The following PTPRD variants were observed in gnomAD, a reference collection of about 807,000 sequenced individuals.
The protein encoded by PTPRD is protein tyrosine phosphatase receptor type D, also known as receptor-type tyrosine-protein phosphatase delta.
In PTPRD, 34 loss-of-function variants were observed where a neutral mutation model predicts 214.5. The observed-to-expected ratio is 0.16, with a 90% CI of 0.12 to 0.21. The LOEUF is 0.21. Ranked by LOEUF, PTPRD falls within the 10% of genes least tolerant of loss-of-function variation. The pLI is 1.00. For missense variants in PTPRD, 2,545 were observed against 2,398.7 expected (o/e 1.06, Z -1.27); for synonymous variants, 1,128 against 845.7 (o/e 1.33, Z -5.79).
chr9:8,510,142 A>G (rs2097648023), intron 21 of PTPRD, among the ~76,000 whole-genome samples: 1 of 152,034 alleles, frequency 6.6e-6, no homozygotes, highest in Admixed American at 6.6e-5. Context: ...ACTTAAAAAA[A>G]TCAGCTGGGC....
chr9:9,727,046 AT>A (rs1356470496), intron 7 of PTPRD, among the ~76,000 whole-genome samples: 2 of 152,192 alleles, frequency 1.3e-5, no homozygotes, highest in Non-Finnish European at 1.5e-5. Context: ...GAGCTGCTTG[AT>A]TTAGGACAGG....
At chr9:9,701,500 A>G (rs1457304742) in intron 7 of PTPRD, among the ~76,000 whole-genome samples, 1 of 152,186 alleles carries the variant, frequency 6.6e-6, no homozygotes, top group African/African-American at 2.4e-5. Flanking sequence ...TTCACAGTCA[A>G]ATTAGCAACA....
At chr9:8,331,174 G>A (rs929854018) in intron 44 of PTPRD, among the ~76,000 whole-genome samples, 2 of 148,604 alleles carry the variant, frequency 1.3e-5, no homozygotes, top group Non-Finnish European at 2.9e-5. Flanking sequence ...ACTTAATATT[G>A]TCATTAGGAT....
At chr9:9,279,194 G>T (rs1313149316) in intron 9 of PTPRD, among the ~76,000 whole-genome samples, 1 of 150,374 alleles carries the variant, frequency 6.7e-6, no homozygotes, top group East Asian at 2.0e-4. Context: ...ATATATGTAT[G>T]TGTATATGAT....
chr9:10,491,325 A>G (rs566547453), intron 2 of PTPRD, among the ~76,000 whole-genome samples: 1 of 152,292 alleles, frequency 6.6e-6, no homozygotes, highest in East Asian at 1.9e-4. Flanking sequence ...ACATGTTTCT[A>G]ATAATTTTAG....
intron 12 of PTPRD, among the ~76,000 whole-genome samples, chr9:8,652,889 G>C (rs1322930344): frequency 2.0e-5 from 3 of 152,162 alleles, no homozygotes; most frequent in Admixed American, 2.0e-4. Flanking sequence ...GGGTCTGCAG[G>C]TTATTGTGAG....
chr9:9,886,747 T>C (rs2071082789), intron 5 of PTPRD, among the ~76,000 whole-genome samples: 1 of 152,140 alleles, frequency 6.6e-6, no homozygotes, highest in African/African-American at 2.4e-5. Context: ...GCCTCCATCT[T>C]GTTTGCTGGA....
intron 5 of PTPRD, among the ~76,000 whole-genome samples, chr9:9,906,169 T>C (rs1393631080): frequency 6.6e-6 from 1 of 151,858 alleles, no homozygotes; most frequent in Non-Finnish European, 1.5e-5. Flanking sequence ...TGTCAGGCTC[T>C]AGTAAGGAAA....
At chr9:9,775,714 C>G (rs879879020) in intron 5 of PTPRD, among the ~76,000 whole-genome samples, 3 of 151,998 alleles carry the variant, frequency 2.0e-5, no homozygotes, top group African/African-American at 4.8e-5. Flanking sequence ...GAGGCCAAGG[C>G]GGGTGGATCA....
At chr9:8,653,746 G>A (rs749806656) in intron 12 of PTPRD, among the ~76,000 whole-genome samples, 6 of 152,106 alleles carry the variant, frequency 3.9e-5, no homozygotes, top group Admixed American at 2.0e-4. Context: ...TACATCAACA[G>A]ATAAAATAAT....
At chr9:9,252,359 T>G (rs116112469) in intron 9 of PTPRD, among the ~76,000 whole-genome samples, 1 of 152,170 alleles carries the variant, frequency 6.6e-6, no homozygotes, top group African/African-American at 2.4e-5. Flanking sequence ...GGCATGAACT[T>G]AAATTTGCAT....
chr9:8,963,128 C>A (rs1178024216), intron 11 of PTPRD: 4 of 151,820 alleles, frequency 2.6e-5, no homozygotes, highest in East Asian at 3.9e-4. Context: ...AAGATAGAAG[C>A]TAGACATAGG....
chr9:9,371,106 A>T (rs1029545856), intron 9 of PTPRD, among the ~76,000 whole-genome samples: 33 of 152,118 alleles, frequency 2.2e-4, no homozygotes, highest in African/African-American at 8.0e-4. Flanking sequence ...AGCCTTTGGT[A>T]TCAGGATGAT....
chr9:10,067,415 T>C (rs1156707914), intron 3 of PTPRD, among the ~76,000 whole-genome samples: 1 of 151,876 alleles, frequency 6.6e-6, no homozygotes, highest in Non-Finnish European at 1.5e-5. Flanking sequence ...ATATTGTTTT[T>C]CCAATGTTAT....
chr9:9,716,541 C>T (rs1445684568), intron 7 of PTPRD, among the ~76,000 whole-genome samples: 2 of 152,058 alleles, frequency 1.3e-5, no homozygotes, highest in African/African-American at 2.4e-5. Context: ...TTAATGATTG[C>T]CGTTCTAACT....
chr9:9,759,656 C>G (rs554919514), intron 6 of PTPRD, among the ~76,000 whole-genome samples: 39 of 147,984 alleles, frequency 2.6e-4, no homozygotes, highest in African/African-American at 9.8e-4. Flanking sequence ...CTCCCAGGTT[C>G]AAGCAATTCT....
intron 9 of PTPRD, among the ~76,000 whole-genome samples, chr9:9,362,133 T>C (rs957357787): frequency 4.6e-5 from 7 of 151,108 alleles, no homozygotes; most frequent in Admixed American, 3.3e-4. Context: ...TCCTCTTTTA[T>C]ATCACAAGTC....
chr9:10,050,289 G>A (rs887381907), intron 3 of PTPRD, among the ~76,000 whole-genome samples: 2 of 151,772 alleles, frequency 1.3e-5, no homozygotes, highest in Non-Finnish European at 2.9e-5. Flanking sequence ...GGCCGGGCTC[G>A]GTGGCTCACC....
chr9:9,681,721 A>G (rs943177176), intron 7 of PTPRD, among the ~76,000 whole-genome samples: 2 of 151,774 alleles, frequency 1.3e-5, no homozygotes, highest in Admixed American at 1.3e-4. Context: ...AGGTCATTTT[A>G]ATAACAGAAA....
Sources: gnomAD v4.1 joint callset for allele counts (sites outside exome capture counted in the v4.1 genomes callset) on GRCh38, gnomAD v4.1.1 for gene constraint, MANE v1.5 for transcripts, NCBI Gene and HGNC (gene_info 2026-07-23, HGNC 2026-07-21) for gene names.